PAPPA2: variants seen among roughly 807,000 people sequenced by gnomAD.
PAPPA2 encodes the protein pappalysin-2.
Under a neutral mutation model 176.4 loss-of-function variants are expected in PAPPA2, and 86 were observed. The ratio of observed to expected loss-of-function variants is 0.49; its 90% CI spans 0.41 to 0.58. PAPPA2 has a LOEUF of 0.58. Among genes scored for constraint, PAPPA2 ranks in the 20% least tolerant of loss-of-function variants. PAPPA2 has a pLI of 0.00. For missense variants in PAPPA2, 2,073 were observed against 2,256.9 expected (o/e 0.92, Z 1.65); for synonymous variants, 809 against 852.2 (o/e 0.95, Z 0.88).
chr1:176,670,244 T>C (rs528748033), intron 3 of PAPPA2, among the ~76,000 whole-genome samples: 1 of 152,364 alleles, frequency 6.6e-6, no homozygotes, highest in South Asian at 2.1e-4. Context: ...CCACAAGTCA[T>C]GTGTTTTTAA....
intron 2 of PAPPA2, among the ~76,000 whole-genome samples, chr1:176,564,017 C>T (rs1651815845): frequency 6.6e-6 from 1 of 152,178 alleles, no homozygotes; most frequent in Non-Finnish European, 1.5e-5. Flanking sequence ...GCAGCAATGA[C>T]TGATGTCTCT....
At chr1:176,598,057 T>C (rs1654081035) in intron 3 of PAPPA2, among the ~76,000 whole-genome samples, 1 of 152,160 alleles carries the variant, frequency 6.6e-6, no homozygotes, top group Non-Finnish European at 1.5e-5. Flanking sequence ...CCCCCACATA[T>C]AAAACCTGCT....
intron 2 of PAPPA2, among the ~76,000 whole-genome samples, chr1:176,570,905 C>T (rs1345869640): frequency 6.6e-6 from 1 of 152,096 alleles, no homozygotes; most frequent in Non-Finnish European, 1.5e-5. Context: ...TGAACATCTC[C>T]TCTCCTGACC....
intron 1 of PAPPA2, among the ~76,000 whole-genome samples, chr1:176,510,042 C>T (rs4652184): frequency 0.62 from 94,605 of 151,712 alleles, 31,364 homozygotes; most frequent in East Asian, 0.95. Context: ...TCAAAAACAA[C>T]GACAAATAAA....
At chr1:176,816,152 GTATATATATATATATATATA>G (rs373739173) in intron 21 of PAPPA2, among the ~76,000 whole-genome samples, 583 of 42,296 alleles carry the variant, frequency 0.014, 14 homozygotes, top group Middle Eastern at 0.048. Context: ...CTTTCACAGT[GTATATATATATATATATATA>G]TATATATATA....
At chr1:176,711,394 G>A (rs1452218190) in intron 11 of PAPPA2, among the ~76,000 whole-genome samples, 1 of 152,102 alleles carries the variant, frequency 6.6e-6, no homozygotes, top group Admixed American at 6.6e-5. Context: ...AGTGAAGTGG[G>A]AGAAATTTCC....
chr1:176,780,146 C>A, intron 17 of PAPPA2, among the ~76,000 whole-genome samples: 1 of 152,156 alleles, frequency 6.6e-6, no homozygotes, highest in East Asian at 1.9e-4. Context: ...CAACAGTGAC[C>A]TGCAGTGGTT....
intron 4 of PAPPA2, among the ~76,000 whole-genome samples, chr1:176,680,721 G>A (rs74961173): frequency 1.2e-3 from 190 of 152,154 alleles, no homozygotes; most frequent in Non-Finnish European, 2.3e-3. Flanking sequence ...TTTAGATGTT[G>A]GTTAATCACT....
intron 2 of PAPPA2, among the ~76,000 whole-genome samples, chr1:176,573,137 T>G (rs79524624): frequency 0.034 from 5,124 of 152,214 alleles, 151 homozygotes; most frequent in South Asian, 0.17. Flanking sequence ...CAGGTGCTGG[T>G]CACTAAGCTA....
intron 14 of PAPPA2, among the ~76,000 whole-genome samples, chr1:176,756,721 A>ATTC (rs148421428): frequency 0.018 from 2,662 of 152,026 alleles, 94 homozygotes; most frequent in African/African-American, 0.06. Context: ...TATTATTATT[A>ATTC]TTATCATACT....
intron 3 of PAPPA2, among the ~76,000 whole-genome samples, chr1:176,621,253 T>G (rs1387281610): frequency 1.3e-5 from 2 of 152,218 alleles, no homozygotes; most frequent in Non-Finnish European, 2.9e-5. Flanking sequence ...GTTCGCAGAC[T>G]AAGTCATTGT....
chr1:176,717,649 C>T (rs1156257692), intron 12 of PAPPA2, among the ~76,000 whole-genome samples: 1 of 152,208 alleles, frequency 6.6e-6, no homozygotes, highest in African/African-American at 2.4e-5. Flanking sequence ...TGGCTAAGCC[C>T]CAGTTTGGGG....
At chr1:176,500,491 T>TTA (rs879750838) in intron 1 of PAPPA2, among the ~76,000 whole-genome samples, 16,614 of 148,006 alleles carry the variant, frequency 0.11, 1,348 homozygotes, top group African/African-American at 0.22. Flanking sequence ...ATATATACAT[T>TTA]TATATATAAT....
intron 17 of PAPPA2, among the ~76,000 whole-genome samples, chr1:176,778,406 G>T (rs1008001653): frequency 1.3e-5 from 2 of 152,154 alleles, no homozygotes; most frequent in Non-Finnish European, 2.9e-5. Flanking sequence ...AAGGAGAAGG[G>T]CAAGGGCATG....
At chr1:176,597,191 A>G (rs1475786667) in intron 3 of PAPPA2, among the ~76,000 whole-genome samples, 1 of 152,196 alleles carries the variant, frequency 6.6e-6, no homozygotes, top group Non-Finnish European at 1.5e-5. Context: ...CTACTTAACT[A>G]GGTTTGCAAG....
intron 14 of PAPPA2, among the ~76,000 whole-genome samples, chr1:176,758,098 G>C (rs1435388473): frequency 2.0e-5 from 3 of 152,146 alleles, no homozygotes; most frequent in Non-Finnish European, 4.4e-5. Context: ...AGTCAGTTTG[G>C]CGTGATAATT....
intron 12 of PAPPA2, 45 bp downstream of exon 12, chr1:176,712,026 C>A: frequency 6.4e-7 from 1 of 1,553,994 alleles, no homozygotes. Context: ...AAGGTGTAAG[C>A]ATATGTGTGT....
intron 1 of PAPPA2, among the ~76,000 whole-genome samples, chr1:176,491,153 T>C (rs1647270771): frequency 6.6e-6 from 1 of 152,234 alleles, no homozygotes; most frequent in East Asian, 1.9e-4. Flanking sequence ...ATTTACTACA[T>C]GCTGGCTAAG....
intron 1 of PAPPA2, among the ~76,000 whole-genome samples, chr1:176,498,128 A>G (rs1647732369): frequency 6.6e-6 from 1 of 151,988 alleles, no homozygotes; most frequent in Non-Finnish European, 1.5e-5. Context: ...ATTCTTTTCA[A>G]CTCTAAAGTT....
Sources: gnomAD v4.1 joint callset for allele counts (sites outside exome capture counted in the v4.1 genomes callset) on GRCh38, gnomAD v4.1.1 for gene constraint, MANE v1.5 for transcripts, NCBI Gene and HGNC (gene_info 2026-07-23, HGNC 2026-07-21) for gene names.